Variants in RCC2 observed in about 807,000 individuals in gnomAD.
The protein encoded by RCC2 is regulator of chromosome condensation 2.
In RCC2, 19 loss-of-function variants were observed where a neutral mutation model predicts 64.1. That is an observed-to-expected ratio of 0.30 (90% confidence interval 0.21 to 0.44). The LOEUF is 0.44. Among genes scored for constraint, RCC2 ranks in the 20% least tolerant of loss-of-function variants. The pLI is 1.00. For synonymous variants in RCC2, 325 were observed against 279.6 expected (o/e 1.16, Z -1.62); for missense variants, 508 against 710.4 (o/e 0.72, Z 3.24).
chr1:17,413,770 A>G, intron 8 of RCC2, 53 bp from the exon 9 acceptor site: 4 of 1,503,468 alleles, frequency 2.7e-6, no homozygotes, highest in Non-Finnish European at 3.6e-6. Context: ...AACAGGCAAC[A>G]AGAGGGGTCA....
intron 2 of RCC2, among the ~76,000 whole-genome samples, chr1:17,436,597 G>C (rs918265699): frequency 1.3e-5 from 2 of 152,218 alleles, no homozygotes; most frequent in African/African-American, 4.8e-5. Context: ...GGGAGAGCCA[G>C]TGTCCCTCAC....
In RCC2 at chr1:17,406,859, C is replaced by T. The variant is rs563057067; in HGVS notation, c.*2231G>A. 6.6e-6 allele frequency: 1 copy of T among 152,194 alleles called. No homozygotes were observed. Among genetic ancestry groups the T allele is most frequent in the Non-Finnish European group, 1.5e-5 (1 of 68,034 alleles). 9.4% of individuals were successfully genotyped at this position (152,194 alleles called of 1,614,324 possible). ...ATTACAGCACTAAACCAGGCACCTT[C>T]GACCAAATCACAACCTCCTCTTTGA... On this transcript the variant is annotated 3_prime_UTR_variant, in exon 13 of 13. Coordinates refer to ENST00000375436, the MANE Select transcript of RCC2 (RefSeq NM_018715.4).
intron 7 of RCC2, 85 bp from the exon 8 acceptor site, chr1:17,416,731 C>T (rs1014367303): frequency 7.3e-7 from 1 of 1,376,202 alleles, no homozygotes; most frequent in Non-Finnish European, 9.8e-7. Flanking sequence ...TGTAGTGAGC[C>T]CCGGCAGCAC....
intron 2 of RCC2, among the ~76,000 whole-genome samples, chr1:17,432,244 G>A (rs2075690143): frequency 6.6e-6 from 1 of 152,208 alleles, no homozygotes; most frequent in African/African-American, 2.4e-5. Context: ...TTGGAGCCTA[G>A]CTTCCCCTGG....
In RCC2 at chr1:17,413,715, C is replaced by A; in HGVS notation, c.1029G>T (p.Leu343=). 1.2e-6 allele frequency: 2 copies of A among 1,607,052 alleles called. No individual in the cohort carries two copies. The highest frequency in any genetic ancestry group is 1.7e-6 in the Non-Finnish European group (2 of 1,177,138). The part of the protein sequence containing the change: ...RDVACGANHT[L]VLDSQKRVFS... ...AGACTCGCTTCTGGGAGTCCAGGAC[C>A]AGCTGCAAGGAAAGAAAACACAGGG... Residue 343 remains leucine, a splice_region_variant and synonymous_variant, in exon 9 of 13, where the codon CTG becomes CTT. Coordinates refer to ENST00000375436, the MANE Select transcript of RCC2 (RefSeq NM_018715.4).
chr1:17,435,242 A>G (rs1480540829), intron 2 of RCC2, among the ~76,000 whole-genome samples: 1 of 152,212 alleles, frequency 6.6e-6, no homozygotes, highest in African/African-American at 2.4e-5. Context: ...TAAAATGCAC[A>G]TCTTTTACTC....
At chr1:17,431,989 G>A (rs1430187256) in intron 2 of RCC2, among the ~76,000 whole-genome samples, 4 of 152,100 alleles carry the variant, frequency 2.6e-5, no homozygotes, top group South Asian at 2.1e-4. Context: ...TTGGGAAGCT[G>A]AGGCAAGAGA....
At chr1:17,433,208 A>G (rs1291320518) in intron 2 of RCC2, among the ~76,000 whole-genome samples, 4 of 152,204 alleles carry the variant, frequency 2.6e-5, no homozygotes, top group Non-Finnish European at 4.4e-5. Context: ...AGGTTAGTGT[A>G]TTTCGTTATT....
rs1041601796 is a variant in RCC2 at position 17,412,029 on chromosome 1, G to C, written c.1386+93C>G. ...GGGGAATCCCAAATGTTTTTCTTCT[G>C]TGTGTTTTGGGAGACAGGTGGAGAG... is the stretch of plus-strand genomic sequence containing the variant. On this transcript the variant is annotated intron_variant, in intron 11 of 12. Transcript: ENST00000375436. 8.2e-5 allele frequency: 90 copies of C among 1,094,390 alleles called. No homozygotes were observed. In the African/African-American group the frequency reaches 1.3e-3, roughly 15 times the overall value. 67.8% of individuals were successfully genotyped at this position (1,094,390 alleles called of 1,614,324 possible).
At chr1:17,414,724 T>C (rs889418612) in intron 8 of RCC2, among the ~76,000 whole-genome samples, 1 of 151,998 alleles carries the variant, frequency 6.6e-6, no homozygotes, top group East Asian at 1.9e-4. Context: ...CTCCACCTCC[T>C]GGGCTCAAGC....
intron 2 of RCC2, among the ~76,000 whole-genome samples, chr1:17,430,749 T>C (rs570972845): frequency 2.7e-5 from 4 of 150,226 alleles, no homozygotes; most frequent in African/African-American, 4.9e-5. Flanking sequence ...GATTGCACCA[T>C]TGCACTCCCA....
chr1:17,416,445 G>A, intron 8 of RCC2, 35 bp downstream of exon 8: 2 of 1,583,696 alleles, frequency 1.3e-6, no homozygotes, highest in Middle Eastern at 2.2e-4. Flanking sequence ...CCATCCTGGT[G>A]CGACTCTCAG....
At chr1:17,427,253 C>T (rs6586541) in intron 3 of RCC2, among the ~76,000 whole-genome samples, 32,826 of 152,088 alleles carry the variant, frequency 0.22, 3,729 homozygotes, top group Middle Eastern at 0.36. Flanking sequence ...CCCCACCCTC[C>T]GCCCTCAGCA....
In RCC2 at chr1:17,408,881, A is replaced by AG. The variant is rs1418303255; in HGVS notation, c.*208dup. ...GAGCAAGTATTTTAATTCAACATTA[A>AG]GGGAAAAAAAAGGACTTTGGAAAGC... On this transcript the variant is annotated 3_prime_UTR_variant, in exon 13 of 13. Coordinates refer to ENST00000375436, the MANE Select transcript of RCC2 (RefSeq NM_018715.4). The AG allele has an allele frequency of 9.5e-6, 5 of 527,198 alleles. No individual in the cohort carries two copies. Among genetic ancestry groups the AG allele is most frequent in the African/African-American group, 7.5e-5 (4 of 53,106 alleles). 32.7% of individuals were successfully genotyped at this position (527,198 alleles called of 1,614,324 possible). A position where few individuals can be genotyped will look rare whatever the true frequency, so the allele number is the denominator to read the frequency against.
intron 8 of RCC2, 104 bp downstream of exon 8, chr1:17,416,376 C>T: frequency 7.7e-7 from 1 of 1,293,994 alleles, no homozygotes; most frequent in Non-Finnish European, 1.1e-6. Context: ...CAGATGTCTA[C>T]CTGGGATCAG....
intron 8 of RCC2, among the ~76,000 whole-genome samples, chr1:17,414,056 G>A (rs1217492428): frequency 6.6e-6 from 1 of 152,250 alleles, no homozygotes; most frequent in East Asian, 1.9e-4. Flanking sequence ...ACAGGAGCAA[G>A]TGTAGCAAAA....
intron 8 of RCC2, among the ~76,000 whole-genome samples, 159 bp from the exon 9 acceptor site, chr1:17,413,876 A>T (rs1225574884): frequency 2.6e-5 from 4 of 152,234 alleles, no homozygotes; most frequent in Non-Finnish European, 5.9e-5. Flanking sequence ...TTCACATCTA[A>T]TCCCAACACT....
chr1:17,427,974 T>C (rs2075635845), intron 3 of RCC2, among the ~76,000 whole-genome samples: 1 of 152,204 alleles, frequency 6.6e-6, no homozygotes, highest in Non-Finnish European at 1.5e-5. Flanking sequence ...GCTGTGGTGC[T>C]ATCTTGCAAA....
chr1:17,428,790 T>C (rs1029271355), intron 3 of RCC2, among the ~76,000 whole-genome samples: 2 of 152,208 alleles, frequency 1.3e-5, no homozygotes, highest in African/African-American at 2.4e-5. Context: ...ACAGACCTGG[T>C]CTCTTCATTT....
Sources: gnomAD v4.1 joint callset for allele counts (sites outside exome capture counted in the v4.1 genomes callset) on GRCh38, gnomAD v4.1.1 for gene constraint, MANE v1.5 for transcripts, NCBI Gene and HGNC (gene_info 2026-07-23, HGNC 2026-07-21) for gene names.